The following MECOM variants were observed in gnomAD, a reference collection of about 807,000 sequenced individuals.
The protein encoded by MECOM is MDS1 and EVI1 complex locus.
MECOM carries 13 observed loss-of-function variants against 116.3 expected under a neutral mutation model. The observed-to-expected ratio is 0.11, with a 90% confidence interval of 0.07 to 0.18. The LOEUF (loss-of-function observed/expected upper bound fraction) is 0.18. Ranked by LOEUF, MECOM falls within the 10% of genes least tolerant of loss-of-function variation. MECOM has a pLI of 1.00. For synonymous variants in MECOM, 528 were observed against 535.2 expected (o/e 0.99, Z 0.19); for missense variants, 1,299 against 1,509.0 (o/e 0.86, Z 2.31).
chr3:169,657,943 A>G (rs1279355073), intron 1 of MECOM, among the ~76,000 whole-genome samples: 1 of 152,202 alleles, frequency 6.6e-6, no homozygotes, highest in African/African-American at 2.4e-5. Context: ...GATCTGGAAG[A>G]ACTACACTAT....
chr3:169,100,185 A>T (rs1576904183), intron 12 of MECOM, among the ~76,000 whole-genome samples: 1 of 131,632 alleles, frequency 7.6e-6, no homozygotes, highest in South Asian at 2.4e-4. Flanking sequence ...TGCAACCTCC[A>T]CCTCCCAGGT....
In MECOM at chr3:169,264,898, C is replaced by T. The variant is rs146228557; in HGVS notation, c.375+116289G>A. ...CAGCTGCCAAGAGAAAGAGATTATT[C>T]CCATGGACTCTTGCCAAGATCCTGG... On this transcript the variant is annotated intron_variant, in intron 2 of 16. Coordinates refer to ENST00000651503, the MANE Select transcript of MECOM (RefSeq NM_004991.4). Among the ~76,000 whole-genome samples, 951 of 152,276 alleles carry T rather than the reference C, an allele frequency of 6.2e-3. 14 individuals are homozygous for T. The highest frequency in any genetic ancestry group is 0.022 in the African/African-American group (901 of 41,536).
At chr3:169,101,659 C>T (rs1418782746) in intron 11 of MECOM, among the ~76,000 whole-genome samples, 1 of 152,066 alleles carries the variant, frequency 6.6e-6, no homozygotes, top group Non-Finnish European at 1.5e-5. Context: ...GTTTTATTCA[C>T]TTATGGACCT....
Position 169,321,311 on chromosome 3 carries a change from G to A in MECOM, c.375+59876C>T, listed in dbSNP as rs539193918. Among the ~76,000 whole-genome samples the A allele has an allele frequency of 2.0e-5, 3 of 152,344 alleles. No homozygotes were observed. The South Asian group carries it at 6.2e-4, about 32-fold the overall frequency. ...AATCCCAGCACTTTGGGAGGCCAAG[G>A]CAGGTGGATCACGAGGTCCGGAGAT... On this transcript the variant is annotated intron_variant, in intron 2 of 16. Transcript: ENST00000651503.
intron 2 of MECOM, among the ~76,000 whole-genome samples, chr3:169,212,754 C>T (rs1750933685): frequency 6.8e-6 from 1 of 148,074 alleles, no homozygotes; most frequent in African/African-American, 2.5e-5. Flanking sequence ...CTCACCTAGC[C>T]TAGTAATCTA....
chr3:169,352,260 T>G (rs1370606722), intron 2 of MECOM, among the ~76,000 whole-genome samples: 1 of 151,904 alleles, frequency 6.6e-6, no homozygotes, highest in Non-Finnish European at 1.5e-5. Context: ...TGAGTTAGAT[T>G]TAAAGAAATA....
At chr3:169,630,251 C>T (rs1487464365) in intron 1 of MECOM, among the ~76,000 whole-genome samples, 2 of 152,080 alleles carry the variant, frequency 1.3e-5, no homozygotes, top group East Asian at 3.8e-4. Flanking sequence ...AAAACTTTTG[C>T]TTATGGCACA....
chr3:169,346,744 A>G (rs879940488), intron 2 of MECOM, among the ~76,000 whole-genome samples: 1 of 152,048 alleles, frequency 6.6e-6, no homozygotes, highest in African/African-American at 2.4e-5. Context: ...ACTTAGTTAC[A>G]CACCATGCTG....
chr3:169,636,248 G>A (rs778517132), intron 1 of MECOM, among the ~76,000 whole-genome samples: 5 of 152,116 alleles, frequency 3.3e-5, no homozygotes, highest in Admixed American at 6.6e-5. Context: ...TATCCACACA[G>A]ACATCAAGAA....
At chr3:169,653,788 C>A (rs1257705173) in intron 1 of MECOM, among the ~76,000 whole-genome samples, 1 of 152,084 alleles carries the variant, frequency 6.6e-6, no homozygotes, top group African/African-American at 2.4e-5. Flanking sequence ...ACCTCTAGTC[C>A]ACAAGTAAGG....
chr3:169,438,147 A>C (rs1317571411), intron 1 of MECOM, among the ~76,000 whole-genome samples: 1 of 152,230 alleles, frequency 6.6e-6, no homozygotes, highest in African/African-American at 2.4e-5. Flanking sequence ...CTGATTGTCT[A>C]GCTCTAGAGC....
intron 1 of MECOM, among the ~76,000 whole-genome samples, chr3:169,435,659 A>G (rs1023650435): frequency 6.6e-6 from 1 of 152,170 alleles, no homozygotes; most frequent in Non-Finnish European, 1.5e-5. Flanking sequence ...CTTTTAAAAT[A>G]TATATTTTCT....
At chr3:169,272,548 G>A (rs1759079809) in intron 2 of MECOM, among the ~76,000 whole-genome samples, 2 of 152,080 alleles carry the variant, frequency 1.3e-5, no homozygotes, top group Admixed American at 6.5e-5. Context: ...TAGCAAATGA[G>A]GACAATATAT....
chr3:169,451,397 C>G (rs1329210352), intron 1 of MECOM, among the ~76,000 whole-genome samples: 1 of 152,132 alleles, frequency 6.6e-6, no homozygotes, highest in East Asian at 1.9e-4. Flanking sequence ...AAAATATTAA[C>G]CATCTTAGCT....
At chr3:169,181,082 A>G (rs1037783944) in intron 2 of MECOM, among the ~76,000 whole-genome samples, 7 of 152,064 alleles carry the variant, frequency 4.6e-5, no homozygotes, top group Admixed American at 1.3e-4. Flanking sequence ...CTAACCTGTG[A>G]GGTACATACT....
chr3:169,448,012 A>G (rs1264097665), intron 1 of MECOM: 1 of 152,254 alleles, frequency 6.6e-6, no homozygotes, highest in East Asian at 1.9e-4. Flanking sequence ...TGGTGTGATC[A>G]GATCTGTAGT....
chr3:169,644,621 A>C (rs1224108123), intron 1 of MECOM, among the ~76,000 whole-genome samples: 7 of 152,184 alleles, frequency 4.6e-5, no homozygotes, highest in Non-Finnish European at 7.3e-5. Flanking sequence ...CAAAATTCTC[A>C]TAAAAACCTG....
intron 2 of MECOM, among the ~76,000 whole-genome samples, chr3:169,290,556 C>T (rs1001907213): frequency 2.0e-5 from 3 of 152,086 alleles, no homozygotes; most frequent in Non-Finnish European, 4.4e-5. Flanking sequence ...AGATGAGCCT[C>T]CCAGTGACAG....
At chr3:169,370,028 G>A (rs538945083) in intron 2 of MECOM, among the ~76,000 whole-genome samples, 11 of 151,908 alleles carry the variant, frequency 7.2e-5, no homozygotes, top group African/African-American at 2.7e-4. Context: ...AAGTGCACTT[G>A]CTTTCTCATA....
Sources: allele counts gnomAD v4.1 joint callset (sites outside exome capture counted in the v4.1 genomes callset), GRCh38; gene constraint gnomAD v4.1.1; transcripts MANE v1.5; gene names NCBI Gene and HGNC (gene_info 2026-07-23, HGNC 2026-07-21).